C8B: variants seen among roughly 807,000 people sequenced by gnomAD.
C8B encodes the protein complement component C8 beta chain.
C8B carries 67 observed loss-of-function variants against 64.6 expected under a neutral mutation model. The observed-to-expected ratio is 1.04, with a 90% CI of 0.85 to 1.27. C8B has a LOEUF of 1.27. Ranked by LOEUF, C8B falls within the 50% of genes most tolerant of loss-of-function variation. The probability of loss-of-function intolerance (pLI) is 0.00; values close to 1 mark genes in which losing one functional copy is unlikely to be tolerated. For synonymous variants in C8B, 284 were observed against 257.7 expected (o/e 1.10, Z -0.98); for missense variants, 790 against 725.2 (o/e 1.09, Z -1.03).
At chr1:56,940,811 T>C in intron 9 of C8B, 38 bp downstream of exon 9, 1 of 1,613,592 alleles carries the variant, frequency 6.2e-7, no homozygotes, top group Non-Finnish European at 8.5e-7. Context: ...AGCTATTTTC[T>C]GGGTGGAGGA....
chr1:56,932,802 G>A (rs1260490434), intron 10 of C8B, among the ~76,000 whole-genome samples: 1 of 152,156 alleles, frequency 6.6e-6, no homozygotes, highest in Non-Finnish European at 1.5e-5. Context: ...TCCCTGGGCT[G>A]AGACTTGCTG....
intron 6 of C8B, among the ~76,000 whole-genome samples, chr1:56,947,921 ACT>A (rs921342299): frequency 6.7e-6 from 1 of 150,314 alleles, no homozygotes; most frequent in African/African-American, 2.5e-5. Context: ...ACAGAGCAAG[ACT>A]CTGTCTCAAA....
intron 9 of C8B, among the ~76,000 whole-genome samples, chr1:56,935,054 T>C (rs908676449): frequency 6.6e-6 from 1 of 152,170 alleles, no homozygotes; most frequent in African/African-American, 2.4e-5. Context: ...AACTAGCAAT[T>C]ATCAGCCCCA....
chr1:56,946,177 A>T (rs948657711), intron 6 of C8B, 116 bp from the exon 7 acceptor site: 114 of 1,196,766 alleles, frequency 9.5e-5, no homozygotes, highest in Admixed American at 5.1e-4. Flanking sequence ...CACTCTTATG[A>T]TTCCTTTAGG....
intron 11 of C8B, among the ~76,000 whole-genome samples, chr1:56,931,422 AG>A (rs1195599371): frequency 6.6e-6 from 1 of 152,202 alleles, no homozygotes; most frequent in African/African-American, 2.4e-5. Flanking sequence ...GGGAGCCAGC[AG>A]GAGGAATTAG....
At chr1:56,964,090 G>A in intron 1 of C8B, 4 of 696,586 alleles carry the variant, frequency 5.7e-6, no homozygotes, top group Non-Finnish European at 7.1e-6. Context: ...ACACATGCGT[G>A]AATCTTTTCT....
intron 9 of C8B, among the ~76,000 whole-genome samples, chr1:56,940,068 CT>C (rs1644828704): frequency 6.6e-6 from 1 of 151,784 alleles, no homozygotes; most frequent in African/African-American, 2.4e-5. Context: ...ATGTTTTATC[CT>C]TGCATTTTCC....
intron 8 of C8B, among the ~76,000 whole-genome samples, chr1:56,942,209 T>C (rs1046887759): frequency 8.5e-5 from 13 of 152,202 alleles, no homozygotes; most frequent in Non-Finnish European, 1.5e-4. Flanking sequence ...CCTTAAATTG[T>C]CTCACTTCTT....
rs376801002 is a variant in C8B at position 56,945,855 on chromosome 1, G to A, written c.1071C>T (p.Thr357=). 35 of 1,613,948 alleles carry A rather than the reference G, an allele frequency of 2.2e-5. No individual in the cohort carries two copies. Among genetic ancestry groups the A allele is most frequent in the Admixed American group, 1.2e-4 (7 of 59,998 alleles). Residue 357 remains threonine, a synonymous_variant, in exon 7 of 12, where the codon ACC becomes ACT. Transcript: ENST00000371237. Reference sequence around the variant, plus strand: ...CCATGGCCTCTTTGTTCATAACGAGGGTGTATTCATAAATGCCCCCAAGCA... The same window carrying A: ...CCATGGCCTCTTTGTTCATAACGAGAGTGTATTCATAAATGCCCCCAAGCA... ...EAVLGGIYEY[T]LVMNKEAMER...
In C8B at chr1:56,943,714, T is replaced by C; in HGVS notation, c.1216A>G (p.Ile406Val). 1 of 1,614,136 alleles carries C rather than the reference T, an allele frequency of 6.2e-7. No individual in the cohort carries two copies. Among genetic ancestry groups the C allele is most frequent in the Non-Finnish European group, 8.5e-7 (1 of 1,179,990 alleles). ...LGVSVGKCRG[I>V]LNEIKDRNKR... ...CACTCACCTTTTATTTCATTCAGAA[T>C]ACCTCTGCATTTGCCTACAGACACA... is the stretch of plus-strand genomic sequence containing the variant. The change falls in exon 8 of 12, where the codon ATT becomes GTT. Residue 406 changes from isoleucine (I) to valine (V), a missense_variant. By Grantham distance (29) the Ile-to-Val change is conservative. Coordinates refer to ENST00000371237, the MANE Select transcript of C8B (RefSeq NM_000066.4).
chr1:56,952,495 G>C (rs763347810), intron 4 of C8B, among the ~76,000 whole-genome samples: 1 of 152,176 alleles, frequency 6.6e-6, no homozygotes, highest in Non-Finnish European at 1.5e-5. Flanking sequence ...TGTCAAGATT[G>C]AGCTCTGTTG....
chr1:56,949,195 AC>A (rs1207768351), intron 6 of C8B, among the ~76,000 whole-genome samples: 2 of 152,154 alleles, frequency 1.3e-5, no homozygotes, highest in African/African-American at 4.8e-5. Flanking sequence ...GAAAGGAGGC[AC>A]CTTTATGAGG....
Position 56,931,847 on chromosome 1 carries a change from T to A in C8B, c.1584A>T (p.Gly528=). 1 of 1,612,526 alleles carries A rather than the reference T, an allele frequency of 6.2e-7. No individual in the cohort carries two copies. The highest frequency in any genetic ancestry group is 8.5e-7 in the Non-Finnish European group (1 of 1,179,240). ...GSRCDCICPV[G]SQGLACEVSY... is the part of the protein sequence containing the mutation. ...AGACCTCACAGGCTAGGCCTTGGGA[T>A]CCAACAGGACAGATGCAGTCACAGC... The change falls in exon 11 of 12, where the codon GGA becomes GGT. Residue 528 remains glycine, a synonymous_variant. Coordinates refer to ENST00000371237, the MANE Select transcript of C8B (RefSeq NM_000066.4).
At chr1:56,959,609 C>G (rs1451709163) in intron 2 of C8B, 1 of 1,535,352 alleles carries the variant, frequency 6.5e-7, no homozygotes, top group African/African-American at 1.4e-5. Context: ...GAAATGTAGG[C>G]TAGATTCGGT....
In C8B at chr1:56,943,666, G is replaced by A. The variant is rs201996275; in HGVS notation, c.1234+30C>T. On this transcript the variant is annotated intron_variant, in intron 8 of 11. Coordinates refer to ENST00000371237, the MANE Select transcript of C8B (RefSeq NM_000066.4). Reference sequence around the variant, plus strand: ...GGCACTAGGAGGATAAACATTATAAGTGTGGAAGTCACAAGCCCCTGTCAC... The same window carrying A: ...GGCACTAGGAGGATAAACATTATAAATGTGGAAGTCACAAGCCCCTGTCAC... The A allele has an allele frequency of 9.9e-6, 16 of 1,613,266 alleles. No homozygotes were observed. In the East Asian group the frequency reaches 3.3e-4, roughly 34 times the overall value.
intron 11 of C8B, 50 bp from the exon 12 acceptor site, chr1:56,929,608 G>T: frequency 1.9e-6 from 3 of 1,582,392 alleles, no homozygotes; most frequent in Non-Finnish European, 2.6e-6. Context: ...TTATATTCTG[G>T]TGCCTTACTG....
rs1349331092 is a variant in C8B, at chr1:56,931,802, T to C, written c.1621+8A>G. On this transcript the variant is annotated splice_region_variant and intron_variant, in intron 11 of 11. Coordinates refer to ENST00000371237, the MANE Select transcript of C8B (RefSeq NM_000066.4). ...ACCTCCCCAGAGTTCCTTTTCCAAT[T>C]AACTTACTCTTCCGATAGGAGACCT... 1 of 1,597,052 alleles carries C rather than the reference T, an allele frequency of 6.3e-7. No homozygotes were observed. Among genetic ancestry groups the C allele is most frequent in the Admixed American group, 1.7e-5 (1 of 59,896 alleles).
chr1:56,960,495 C>G (rs1014040027), intron 1 of C8B, among the ~76,000 whole-genome samples: 2 of 152,166 alleles, frequency 1.3e-5, no homozygotes, highest in Non-Finnish European at 2.9e-5. Context: ...TGCCTCACGC[C>G]CTAGCTCTAT....
intron 1 of C8B, among the ~76,000 whole-genome samples, chr1:56,964,873 C>T (rs1329478727): frequency 2.6e-5 from 4 of 152,166 alleles, no homozygotes; most frequent in African/African-American, 7.2e-5. Context: ...TGTGTACACA[C>T]AGTACACACA....
Sources: allele counts gnomAD v4.1 joint callset (sites outside exome capture counted in the v4.1 genomes callset), GRCh38; gene constraint gnomAD v4.1.1; transcripts MANE v1.5; gene names NCBI Gene and HGNC (gene_info 2026-07-23, HGNC 2026-07-21).